CEACAM3: variants seen among roughly 807,000 people sequenced by gnomAD.
The protein encoded by CEACAM3 is CEA cell adhesion molecule 3, also known as cell adhesion molecule CEACAM3.
Under a neutral mutation model 30.1 loss-of-function variants are expected in CEACAM3, and 32 were observed. The observed-to-expected ratio is 1.06, with a 90% confidence interval of 0.80 to 1.43. CEACAM3 has a LOEUF of 1.43. Ranked by LOEUF, CEACAM3 falls within the 40% of genes most tolerant of loss-of-function variation. The pLI is 0.00. For missense variants in CEACAM3, 290 were observed against 316.3 expected, an observed-to-expected ratio of 0.92 and a Z score of 0.63; for synonymous variants, 134 against 127.2, an observed-to-expected ratio of 1.05 and a Z score of -0.36.
intron 1 of CEACAM3, chr19:41,797,177 C>T (rs782152924): frequency 4.6e-5 from 11 of 239,776 alleles, no homozygotes; most frequent in Non-Finnish European, 8.1e-5. Context: ...GTTCAAAGAG[C>T]TTACACTCTT....
intron 2 of CEACAM3, among the ~76,000 whole-genome samples, chr19:41,805,049 G>A (rs957552444): frequency 1.3e-5 from 2 of 151,666 alleles, no homozygotes; most frequent in Admixed American, 6.6e-5. Context: ...TTTCAGATTT[G>A]GGATGCTAAA....
At chr19:41,798,018 C>T in intron 2 of CEACAM3, 70 bp downstream of exon 2, 1 of 1,544,876 alleles carries the variant, frequency 6.5e-7, no homozygotes, top group Non-Finnish European at 8.7e-7. Context: ...ATTGTCAGGC[C>T]TGGGCTGTGC....
rs782565376 is a variant in CEACAM3 at position 41,810,029 on chromosome 19, C to T, written c.595+12C>T. On this transcript the variant is annotated intron_variant, in intron 4 of 6. Transcript: ENST00000357396. ...AGCCCTTGCCCCTGGTGAGTGTCCT[C>T]TCAGCCCAGGTGTGGCTGGGAACCC... 1.9e-6 allele frequency: 3 copies of T among 1,613,578 alleles called. No homozygotes were observed. In the Admixed American group the frequency reaches 5.0e-5, roughly 27 times the overall value.
At chr19:41,807,422 A>T in intron 2 of CEACAM3, 1 of 1,575,542 alleles carries the variant, frequency 6.3e-7, no homozygotes, top group Non-Finnish European at 8.7e-7. Flanking sequence ...CCAGGCTTCC[A>T]GCCCAAATCC....
intron 4 of CEACAM3, 76 bp downstream of exon 4, chr19:41,810,093 G>T: frequency 6.8e-7 from 1 of 1,462,674 alleles, no homozygotes; most frequent in South Asian, 1.2e-5. Flanking sequence ...GCCAGTCACT[G>T]CCAGGCAGAC....
At chr19:41,810,804 C>T in intron 5 of CEACAM3, 28 bp from the exon 6 acceptor site, 1 of 1,593,552 alleles carries the variant, frequency 6.3e-7, no homozygotes, top group Non-Finnish European at 8.6e-7. Context: ...CAGGCTGGGC[C>T]TCCATGACCC....
intron 2 of CEACAM3, among the ~76,000 whole-genome samples, chr19:41,806,518 CTG>C (rs2073201544): frequency 6.6e-6 from 1 of 152,198 alleles, no homozygotes; most frequent in South Asian, 2.1e-4. Context: ...ACTCCTGGTC[CTG>C]TGTCTGTCCA....
In CEACAM3 at chr19:41,811,463, A is replaced by G; in HGVS notation, c.*226A>G. 1 of 530,036 alleles carries G rather than the reference A, an allele frequency of 1.9e-6. No individual in the cohort carries two copies. Among genetic ancestry groups the G allele is most frequent in the Non-Finnish European group, 3.4e-6 (1 of 292,520 alleles). The allele number at this position is 530,036 out of a possible 1,614,324, so 32.8% of individuals were successfully genotyped here. ...CAGGACAAAGGCCTCTCATCACCGC[A>G]GAAAGCGGGGGCTTGCAGGGAAAGT... On this transcript the variant is annotated 3_prime_UTR_variant, in exon 7 of 7. Transcript: ENST00000357396.
Position 41,796,681 on chromosome 19 carries a change from G to A in CEACAM3, c.4G>A (p.Gly2Arg). Residue 2 changes from glycine (G) to arginine (R), a missense_variant, in exon 1 of 7, where the codon GGG becomes AGG. Coordinates refer to ENST00000357396, the MANE Select transcript of CEACAM3 (RefSeq NM_001815.5). M[G>R]PPSASPHREC... ...GAAAGAGCAGGCAGCAGAGACCATG[G>A]GGCCCCCCTCAGCCTCTCCCCACAG... The A allele has an allele frequency of 6.2e-7, 1 of 1,614,172 alleles. No individual in the cohort carries two copies. The highest frequency in any genetic ancestry group is 8.5e-7 in the Non-Finnish European group (1 of 1,180,014).
intron 2 of CEACAM3, among the ~76,000 whole-genome samples, chr19:41,808,357 G>A (rs2073220131): frequency 6.6e-6 from 1 of 152,206 alleles, no homozygotes; most frequent in Non-Finnish European, 1.5e-5. Flanking sequence ...CCCTCAAGGT[G>A]ATGTAAGGAT....
intron 2 of CEACAM3, among the ~76,000 whole-genome samples, chr19:41,799,928 A>G (rs538684019): frequency 6.6e-6 from 1 of 152,152 alleles, no homozygotes; most frequent in East Asian, 1.9e-4. Context: ...ACCGCATCTC[A>G]TGGGACTCTG....
chr19:41,801,464 C>T (rs2073146137), intron 2 of CEACAM3, among the ~76,000 whole-genome samples: 1 of 152,192 alleles, frequency 6.6e-6, no homozygotes, highest in Non-Finnish European at 1.5e-5. Flanking sequence ...GTTTTTCCTG[C>T]CACTGCACAG....
chr19:41,799,868 G>A (rs781972254), intron 2 of CEACAM3, among the ~76,000 whole-genome samples: 24 of 152,004 alleles, frequency 1.6e-4, no homozygotes, highest in East Asian at 5.8e-4. Context: ...TCCAGGGGCC[G>A]GGATCCTTGT....
intron 1 of CEACAM3, chr19:41,797,185 C>A (rs2073108901): frequency 4.1e-6 from 1 of 245,078 alleles, no homozygotes; most frequent in South Asian, 7.5e-5. Context: ...AGCTTACACT[C>A]TTGCAGAGAT....
rs572713284 is a variant in CEACAM3, at chr19:41,803,096, A to G, written c.424+5148A>G. On this transcript the variant is annotated intron_variant, in intron 2 of 6. Transcript: ENST00000357396. ...AAAAAAATGCAATTTGAAACTCAGA[A>G]CAACAATCAGAACCAGACTCAGATG... is the stretch of plus-strand genomic sequence containing the variant. Among the ~76,000 whole-genome samples, 3 of 152,330 alleles carry G rather than the reference A, an allele frequency of 2.0e-5. No individual in the cohort carries two copies. In the East Asian group the frequency reaches 5.8e-4, roughly 29 times the overall value.
chr19:41,808,727 G>A, intron 2 of CEACAM3, 86 bp from the exon 3 acceptor site: 1 of 1,046,942 alleles, frequency 9.6e-7, no homozygotes, highest in Admixed American at 1.9e-5. Flanking sequence ...CTTCTTCCCT[G>A]ACTGCACACC....
chr19:41,810,266 G>T, intron 4 of CEACAM3, 57 bp from the exon 5 acceptor site: 1 of 1,577,610 alleles, frequency 6.3e-7, no homozygotes, highest in Non-Finnish European at 8.6e-7. Context: ...ACGCCTTCCT[G>T]GAGAGGGGAT....
chr19:41,799,682 T>C (rs2073130751), intron 2 of CEACAM3, among the ~76,000 whole-genome samples: 1 of 152,060 alleles, frequency 6.6e-6, no homozygotes, highest in Admixed American at 6.6e-5. Flanking sequence ...CACAGGAGGA[T>C]AAAACACTCC....
chr19:41,810,059 G>T, intron 4 of CEACAM3, 42 bp downstream of exon 4: 2 of 1,592,634 alleles, frequency 1.3e-6, no homozygotes, highest in African/African-American at 1.3e-5. Context: ...GAACCCCTAG[G>T]ACAGCCCCAC....
Sources: gnomAD v4.1 joint callset for allele counts (sites outside exome capture counted in the v4.1 genomes callset) on GRCh38, gnomAD v4.1.1 for gene constraint, MANE v1.5 for transcripts, NCBI Gene and HGNC (gene_info 2026-07-23, HGNC 2026-07-21) for gene names.